Variants in LRP1B observed in about 807,000 individuals in gnomAD.
LRP1B encodes the protein low-density lipoprotein receptor-related protein 1B.
In LRP1B, 217 loss-of-function variants were observed where a neutral mutation model predicts 556.6. The observed-to-expected ratio is 0.39, with a 90% CI of 0.35 to 0.44. The LOEUF (loss-of-function observed/expected upper bound fraction) is 0.44. Ranked by LOEUF, LRP1B falls within the 20% of genes least tolerant of loss-of-function variation. LRP1B has a pLI of 1.00. For synonymous variants in LRP1B, 2,047 were observed against 1,865.8 expected, an observed-to-expected ratio of 1.10 and a Z score of -2.50; for missense variants, 5,053 against 5,620.8, an observed-to-expected ratio of 0.90 and a Z score of 3.23.
chr2:140,621,975 A>T (rs1439898645), intron 41 of LRP1B, among the ~76,000 whole-genome samples: 2 of 152,250 alleles, frequency 1.3e-5, no homozygotes, highest in Non-Finnish European at 2.9e-5. Flanking sequence ...GTAGGACATT[A>T]TAGCAACAAA....
intron 31 of LRP1B, among the ~76,000 whole-genome samples, chr2:140,815,275 A>C (rs1268391016): frequency 6.6e-6 from 1 of 152,122 alleles, no homozygotes; most frequent in Non-Finnish European, 1.5e-5. Context: ...AAGAATGTGA[A>C]TCATTAAATG....
intron 32 of LRP1B, among the ~76,000 whole-genome samples, chr2:140,803,686 C>T (rs2890537): frequency 0.84 from 128,272 of 151,920 alleles, 54,549 homozygotes; most frequent in East Asian, 0.99. Context: ...CAGACCTGCA[C>T]TGATTGTGGT....
intron 57 of LRP1B, among the ~76,000 whole-genome samples, chr2:140,489,426 A>T (rs1688607767): frequency 6.6e-6 from 1 of 152,208 alleles, no homozygotes; most frequent in African/African-American, 2.4e-5. Flanking sequence ...AATGACTATA[A>T]GTGCTAAAGA....
At chr2:141,842,736 C>G (rs1290110328) in intron 1 of LRP1B, among the ~76,000 whole-genome samples, 1 of 152,036 alleles carries the variant, frequency 6.6e-6, no homozygotes, top group African/African-American at 2.4e-5. Context: ...AAGAGCAGTA[C>G]TTTTTATTAA....
At chr2:141,470,580 T>C (rs772622237) in intron 3 of LRP1B, among the ~76,000 whole-genome samples, 3 of 152,192 alleles carry the variant, frequency 2.0e-5, no homozygotes, top group Admixed American at 2.0e-4. Context: ...GTAGTCAAAA[T>C]TGGTGAAGGA....
intron 20 of LRP1B, among the ~76,000 whole-genome samples, chr2:140,947,526 A>C (rs1695580666): frequency 6.6e-6 from 1 of 152,210 alleles, no homozygotes; most frequent in Non-Finnish European, 1.5e-5. Context: ...GACTAATCAA[A>C]GCGAATTTCT....
chr2:140,784,136 G>A (rs1348152207), intron 32 of LRP1B, among the ~76,000 whole-genome samples: 1 of 152,108 alleles, frequency 6.6e-6, no homozygotes, highest in Admixed American at 6.6e-5. Flanking sequence ...GATTGTCACT[G>A]AATTGTTTTG....
At chr2:141,334,261 T>C (rs113598835) in intron 3 of LRP1B, among the ~76,000 whole-genome samples, 3,205 of 152,296 alleles carry the variant, frequency 0.021, 57 homozygotes, top group Non-Finnish European at 0.034. Flanking sequence ...GGGCAGTTTC[T>C]AATGGTTTAA....
intron 7 of LRP1B, among the ~76,000 whole-genome samples, chr2:141,132,566 G>C (rs1292745063): frequency 6.6e-6 from 1 of 151,854 alleles, no homozygotes; most frequent in Non-Finnish European, 1.5e-5. Context: ...CAACAAAACA[G>C]ACTAGGACAT....
At chr2:141,997,798 T>A (rs1702542892) in intron 1 of LRP1B, among the ~76,000 whole-genome samples, 1 of 152,066 alleles carries the variant, frequency 6.6e-6, no homozygotes, top group African/African-American at 2.4e-5. Flanking sequence ...CACCCTGTGC[T>A]GCATAAGGGA....
At chr2:140,748,828 CATATATT>C (rs779367554) in intron 35 of LRP1B, among the ~76,000 whole-genome samples, 3,114 of 79,488 alleles carry the variant, frequency 0.039, 142 homozygotes, top group Middle Eastern at 0.06. Flanking sequence ...TAATATATAT[CATATATT>C]ATATACATGT....
At chr2:141,116,939 C>G (rs1450944088) in intron 7 of LRP1B, among the ~76,000 whole-genome samples, 2 of 152,078 alleles carry the variant, frequency 1.3e-5, no homozygotes, top group East Asian at 3.8e-4. Context: ...TTGCAACACC[C>G]TGACCACTTG....
chr2:141,898,273 G>A (rs902570151), intron 1 of LRP1B, among the ~76,000 whole-genome samples: 6 of 152,050 alleles, frequency 3.9e-5, no homozygotes, highest in Non-Finnish European at 8.8e-5. Context: ...CATGGAGCCA[G>A]GCCTCAGGCA....
intron 1 of LRP1B, among the ~76,000 whole-genome samples, chr2:142,015,204 C>A (rs1223474573): frequency 3.3e-5 from 5 of 151,968 alleles, no homozygotes; most frequent in African/African-American, 1.2e-4. Context: ...GTAAGTATGT[C>A]CCATTGTAAC....
chr2:140,512,402 T>A (rs1012091048), intron 51 of LRP1B, among the ~76,000 whole-genome samples: 1 of 152,148 alleles, frequency 6.6e-6, no homozygotes, highest in Non-Finnish European at 1.5e-5. Context: ...CATCTGGAGA[T>A]ATACTGCCTT....
intron 7 of LRP1B, among the ~76,000 whole-genome samples, chr2:141,132,521 T>C (rs1186733172): frequency 1.3e-5 from 2 of 152,030 alleles, no homozygotes; most frequent in East Asian, 3.9e-4. Context: ...CCTCTTCTCT[T>C]TATAAAATAC....
At chr2:140,311,112 A>G (rs181131966) in intron 83 of LRP1B, among the ~76,000 whole-genome samples, 2 of 151,962 alleles carry the variant, frequency 1.3e-5, no homozygotes, top group East Asian at 3.9e-4. Context: ...GGAAAACAGT[A>G]TGGAGATTTC....
intron 1 of LRP1B, among the ~76,000 whole-genome samples, chr2:141,856,506 A>G (rs1407655611): frequency 6.6e-6 from 1 of 152,008 alleles, no homozygotes; most frequent in African/African-American, 2.4e-5. Context: ...TTAATAGATC[A>G]CTCCCCAGCT....
chr2:141,367,421 G>A (rs1447890554), intron 3 of LRP1B, among the ~76,000 whole-genome samples: 1 of 143,508 alleles, frequency 7.0e-6, no homozygotes, highest in African/African-American at 2.6e-5. Flanking sequence ...GGATAACAAA[G>A]CGTTCTAATT....
Sources: allele counts gnomAD v4.1 joint callset (sites outside exome capture counted in the v4.1 genomes callset), GRCh38; gene constraint gnomAD v4.1.1; transcripts MANE v1.5; gene names NCBI Gene and HGNC (gene_info 2026-07-23, HGNC 2026-07-21).